The following PPP2R5E variants were observed in gnomAD, a reference collection of about 807,000 sequenced individuals.
PPP2R5E encodes serine/threonine-protein phosphatase 2A 56 kDa regulatory subunit epsilon isoform.
In PPP2R5E, 4 loss-of-function variants were observed where a neutral mutation model predicts 65.3. That is an observed-to-expected ratio of 0.06 (90% CI 0.03 to 0.14). The LOEUF is 0.14. Among genes scored for constraint, PPP2R5E ranks in the 10% least tolerant of loss-of-function variants. The pLI, the probability that PPP2R5E is intolerant of heterozygous loss-of-function variation, is 1.00. For missense variants in PPP2R5E, 274 were observed against 556.1 expected (o/e 0.49, Z 5.10); for synonymous variants, 183 against 187.4 (o/e 0.98, Z 0.19).
At chr14:63,404,927 T>C (rs1456210844) in intron 5 of PPP2R5E, among the ~76,000 whole-genome samples, 2 of 152,200 alleles carry the variant, frequency 1.3e-5, no homozygotes, top group Non-Finnish European at 2.9e-5. Context: ...AGCTACATAA[T>C]TTGTGGGGCC....
intron 3 of PPP2R5E, among the ~76,000 whole-genome samples, chr14:63,424,121 C>T (rs28408721): frequency 0.12 from 17,937 of 152,144 alleles, 1,488 homozygotes; most frequent in African/African-American, 0.23. Context: ...CAGAAATAGA[C>T]TGATTCAAAA....
rs192157459 is a variant in PPP2R5E, at chr14:63,530,114, A to G, written c.157+9415T>C. Among the ~76,000 whole-genome samples, 835 of 152,230 alleles carry G rather than the reference A, an allele frequency of 5.5e-3. 9 individuals are homozygous for G. The highest frequency in any genetic ancestry group is 0.019 in the African/African-American group (794 of 41,534). On this transcript the variant is annotated intron_variant, in intron 2 of 13. Coordinates refer to ENST00000337537, the MANE Select transcript of PPP2R5E (RefSeq NM_006246.5). ...TTCTCTCCTCCAAAAAAGAATGCAC[A>G]TACACAGAAACTTTACATATAATTT...
intron 2 of PPP2R5E, among the ~76,000 whole-genome samples, chr14:63,501,956 G>A (rs531337634): frequency 1.3e-4 from 20 of 152,116 alleles, no homozygotes; most frequent in African/African-American, 4.3e-4. Context: ...GTGCAGTGGC[G>A]AGATCTCAGC....
intron 8 of PPP2R5E, among the ~76,000 whole-genome samples, chr14:63,393,425 C>CGA (rs1210470065): frequency 6.6e-6 from 1 of 152,058 alleles, no homozygotes; most frequent in Admixed American, 6.6e-5. Context: ...GGAATGAAGG[C>CGA]GATAGGCCCG....
intron 2 of PPP2R5E, among the ~76,000 whole-genome samples, chr14:63,526,774 C>A (rs1216115758): frequency 1.3e-5 from 2 of 152,200 alleles, no homozygotes; most frequent in Non-Finnish European, 2.9e-5. Flanking sequence ...CCAGGCTGGT[C>A]TTGAACTCCT....
At chr14:63,514,345 A>G (rs1444407506) in intron 2 of PPP2R5E, among the ~76,000 whole-genome samples, 1 of 152,204 alleles carries the variant, frequency 6.6e-6, no homozygotes, top group Non-Finnish European at 1.5e-5. Context: ...AGAGTCTTTC[A>G]AAGCATTTGG....
chr14:63,396,373 AGAG>A (rs973783984), intron 6 of PPP2R5E, among the ~76,000 whole-genome samples: 14 of 82,264 alleles, frequency 1.7e-4, no homozygotes, highest in Non-Finnish European at 3.2e-4. Flanking sequence ...ATGGGGGAGG[AGAG>A]GAGAAGATGG....
chr14:63,521,207 C>G (rs79112510), intron 2 of PPP2R5E, among the ~76,000 whole-genome samples: 1 of 152,164 alleles, frequency 6.6e-6, no homozygotes, highest in Non-Finnish European at 1.5e-5. Flanking sequence ...ATCCCAGTTA[C>G]TTGAACTGCC....
chr14:63,528,864 T>C (rs112615881), intron 2 of PPP2R5E, among the ~76,000 whole-genome samples: 1,825 of 152,330 alleles, frequency 0.012, 31 homozygotes, highest in African/African-American at 0.042. Context: ...TACAAGGCAC[T>C]GTTCGAAGCC....
intron 3 of PPP2R5E, among the ~76,000 whole-genome samples, chr14:63,436,238 C>G (rs1318743158): frequency 6.6e-6 from 1 of 152,220 alleles, no homozygotes; most frequent in East Asian, 1.9e-4. Context: ...AAATTCTAAA[C>G]ATCTGCTATG....
At chr14:63,519,810 T>C (rs370563593) in intron 2 of PPP2R5E, among the ~76,000 whole-genome samples, 1 of 151,370 alleles carries the variant, frequency 6.6e-6, no homozygotes, top group African/African-American at 2.4e-5. Context: ...TACAGGCATG[T>C]GCCACCATGT....
intron 12 of PPP2R5E, among the ~76,000 whole-genome samples, chr14:63,382,589 C>G (rs373864515): frequency 3.9e-5 from 6 of 151,966 alleles, no homozygotes; most frequent in African/African-American, 1.5e-4. Context: ...TTAGTAGAGA[C>G]GAGGTTTCTC....
chr14:63,421,982 T>C lies in PPP2R5E; in HGVS notation c.456+11A>G. 1 of 1,585,038 alleles carries C rather than the reference T, an allele frequency of 6.3e-7. No individual in the cohort carries two copies. Among genetic ancestry groups the C allele is most frequent in the African/African-American group, 1.3e-5 (1 of 74,326 alleles). On this transcript the variant is annotated intron_variant, in intron 4 of 13. Coordinates refer to ENST00000337537, the MANE Select transcript of PPP2R5E (RefSeq NM_006246.5). ...GAGTTTTCTTTTATAACAAATGGTA[T>C]TTCAAAGTACCTGTAAGTGTGGCCA...
chr14:63,469,398 A>G (rs1272502629), intron 2 of PPP2R5E, among the ~76,000 whole-genome samples: 2 of 152,230 alleles, frequency 1.3e-5, no homozygotes, highest in Admixed American at 6.5e-5. Context: ...ATGGCAAAAA[A>G]TACAATTAAA....
intron 2 of PPP2R5E, among the ~76,000 whole-genome samples, chr14:63,475,863 T>C (rs1890388565): frequency 6.6e-6 from 1 of 152,180 alleles, no homozygotes; most frequent in South Asian, 2.1e-4. Context: ...GGCCCTATAA[T>C]TTTAACCCAC....
rs1883925611 is a variant in PPP2R5E, at chr14:63,375,272, G to C, written c.*737C>G. On this transcript the variant is annotated 3_prime_UTR_variant, in exon 14 of 14. Transcript: ENST00000337537. ...GATGTCCCAGTGCCTGTTTTCAAAG[G>C]ATTCAAGACATTGATTTGGATTCAC... 6.6e-6 allele frequency: 1 copy of C among 152,556 alleles called. No individual in the cohort carries two copies. Among genetic ancestry groups the C allele is most frequent in the Non-Finnish European group, 1.5e-5 (1 of 68,014 alleles). 9.5% of individuals were successfully genotyped at this position (152,556 alleles called of 1,614,324 possible).
chr14:63,499,675 T>C (rs962883005), intron 2 of PPP2R5E, among the ~76,000 whole-genome samples: 1 of 150,932 alleles, frequency 6.6e-6, no homozygotes, highest in African/African-American at 2.4e-5. Flanking sequence ...TGTACTGAGC[T>C]GAGATCGCAC....
At chr14:63,512,078 T>TAAA (rs57623942) in intron 2 of PPP2R5E, among the ~76,000 whole-genome samples, 3 of 87,078 alleles carry the variant, frequency 3.4e-5, no homozygotes, top group Non-Finnish European at 4.7e-5. Flanking sequence ...GACTCTGCGG[T>TAAA]AAAAAAAAAA....
chr14:63,537,822 C>T (rs577026540), intron 2 of PPP2R5E, among the ~76,000 whole-genome samples: 1 of 152,276 alleles, frequency 6.6e-6, no homozygotes, highest in Admixed American at 6.5e-5. Context: ...CTTCAGTATT[C>T]AGCACATAAA....
Sources: allele counts gnomAD v4.1 joint callset (sites outside exome capture counted in the v4.1 genomes callset), GRCh38; gene constraint gnomAD v4.1.1; transcripts MANE v1.5; gene names NCBI Gene and HGNC (gene_info 2026-07-23, HGNC 2026-07-21).